HIVEP1: variants seen among roughly 807,000 people sequenced by gnomAD.
HIVEP1 encodes the protein zinc finger protein 40.
Under a neutral mutation model 180.0 loss-of-function variants are expected in HIVEP1, and 36 were observed. That is an observed-to-expected ratio of 0.20 (90% CI 0.15 to 0.26). The LOEUF (loss-of-function observed/expected upper bound fraction) is 0.26, where lower values mean the gene tolerates loss of function less well. Ranked by LOEUF, HIVEP1 falls within the 10% of genes least tolerant of loss-of-function variation. The probability of loss-of-function intolerance (pLI) is 1.00; values close to 1 mark genes in which losing one functional copy is unlikely to be tolerated. For missense variants in HIVEP1, 3,143 were observed against 3,268.7 expected, an observed-to-expected ratio of 0.96 and a Z score of 0.94; for synonymous variants, 1,239 against 1,239.0, an observed-to-expected ratio of 1.00 and a Z score of 0.00.
In HIVEP1 at chr6:12,164,990, A is replaced by G. The variant is rs760936281; in HGVS notation, c.*529A>G. On this transcript the variant is annotated 3_prime_UTR_variant, in exon 9 of 9. Coordinates refer to ENST00000379388, the MANE Select transcript of HIVEP1 (RefSeq NM_002114.4). ...GAAATGTTTCAGTAAAATATTGTTT[A>G]CTGACTTTACCATTGCTTCAGTTGT... 1 of 361,410 alleles carries G rather than the reference A, an allele frequency of 2.8e-6. No homozygotes were observed. Among genetic ancestry groups the G allele is most frequent in the Non-Finnish European group, 5.4e-6 (1 of 186,196 alleles). 22.4% of individuals were successfully genotyped at this position (361,410 alleles called of 1,614,324 possible).
chr6:12,140,426 A>G (rs548274911), intron 7 of HIVEP1, among the ~76,000 whole-genome samples: 13 of 152,382 alleles, frequency 8.5e-5, no homozygotes, highest in South Asian at 4.1e-4. Flanking sequence ...CCAGACCAGA[A>G]CATCTGAAAA....
At chr6:12,107,153 C>A (rs1459865255) in intron 3 of HIVEP1, among the ~76,000 whole-genome samples, 2 of 152,142 alleles carry the variant, frequency 1.3e-5, no homozygotes, top group Non-Finnish European at 2.9e-5. Flanking sequence ...GGGTTTAGTT[C>A]TAGACCACTG....
the HIVEP1 span, among the ~76,000 whole-genome samples, chr6:12,170,918 A>C: frequency 6.6e-6 from 1 of 152,216 alleles, no homozygotes; most frequent in Non-Finnish European, 1.5e-5. Context: ...ACCCAGTGCC[A>C]AGCTGGCCAC....
downstream of HIVEP1, among the ~76,000 whole-genome samples, chr6:12,168,034 T>A (rs557071317): frequency 0.064 from 2,729 of 42,680 alleles, 274 homozygotes; most frequent in East Asian, 0.075. Context: ...ATGTATATAT[T>A]ATATATACAT....
intron 3 of HIVEP1, among the ~76,000 whole-genome samples, chr6:12,099,670 A>G (rs1404540505): frequency 2.0e-5 from 3 of 152,258 alleles, no homozygotes; most frequent in Middle Eastern, 6.8e-3. Context: ...AGTTTTGCCC[A>G]CAGTCATAGC....
At chr6:12,012,628 G>C (rs1273267907) in intron 1 of HIVEP1, 62 bp downstream of exon 1, 2 of 148,940 alleles carry the variant, frequency 1.3e-5, no homozygotes, top group Admixed American at 1.3e-4. Flanking sequence ...GCGGAGGGGG[G>C]GGGGGGCAGG....
At chr6:12,025,079 C>T (rs1417219061) in intron 2 of HIVEP1, among the ~76,000 whole-genome samples, 1 of 152,154 alleles carries the variant, frequency 6.6e-6, no homozygotes, top group East Asian at 1.9e-4. Context: ...TTATGATTCC[C>T]ATTTTATAGA....
intron 3 of HIVEP1, among the ~76,000 whole-genome samples, chr6:12,091,287 C>T (rs752445421): frequency 1.7e-4 from 26 of 151,970 alleles, no homozygotes; most frequent in Non-Finnish European, 1.3e-4. Context: ...ATCTCTTTTT[C>T]ATTGTTTTTC....
At chr6:12,178,767 A>G in the HIVEP1 span, among the ~76,000 whole-genome samples, 1 of 152,194 alleles carries the variant, frequency 6.6e-6, no homozygotes, top group African/African-American at 2.4e-5. Flanking sequence ...CTAGAGGAAC[A>G]CTTGCCAAGG....
At chr6:12,144,912 A>G (rs1040621916) in intron 7 of HIVEP1, among the ~76,000 whole-genome samples, 1 of 152,146 alleles carries the variant, frequency 6.6e-6, no homozygotes, top group African/African-American at 2.4e-5. Context: ...ACGCTTTTAC[A>G]CTATTGGTGG....
In HIVEP1 at chr6:12,106,916, TTC is replaced by T. The variant is rs1393500215; in HGVS notation, c.95-12972_95-12971del. 7.2e-5 allele frequency among the ~76,000 whole-genome samples: 11 copies of T among 152,346 alleles called. 1 individual carries two copies. Among genetic ancestry groups the T allele is most frequent in the African/African-American group, 1.2e-4 (5 of 41,582 alleles). ...GATTTTTCTAATTTCTCTTGTGACT[TTC>T]TGTTTGACCCCTGGGCTGTTCAGAA... On this transcript the variant is annotated intron_variant, in intron 3 of 8. Coordinates refer to ENST00000379388, the MANE Select transcript of HIVEP1 (RefSeq NM_002114.4).
At chr6:12,194,036 G>T in the HIVEP1 span, among the ~76,000 whole-genome samples, 1 of 121,448 alleles carries the variant, frequency 8.2e-6, no homozygotes. Flanking sequence ...TCCTTGAAAT[G>T]GGGCTGGTCT....
intron 2 of HIVEP1, among the ~76,000 whole-genome samples, chr6:12,041,237 T>C (rs2093010880): frequency 1.3e-5 from 2 of 151,866 alleles, no homozygotes; most frequent in South Asian, 2.1e-4. Flanking sequence ...CTGGCTAACA[T>C]GGTGAAACCC....
At chr6:12,047,651 A>C (rs897416199) in intron 2 of HIVEP1, among the ~76,000 whole-genome samples, 1 of 152,180 alleles carries the variant, frequency 6.6e-6, no homozygotes, top group South Asian at 2.1e-4. Flanking sequence ...ATTGCTGTTA[A>C]GAGTTTGGCC....
intron 7 of HIVEP1, among the ~76,000 whole-genome samples, chr6:12,141,989 A>G (rs1287699184): frequency 6.6e-6 from 1 of 152,166 alleles, no homozygotes; most frequent in Non-Finnish European, 1.5e-5. Context: ...ACAGAAGGTT[A>G]ACAAGGATAT....
At chr6:12,036,652 C>T (rs1466890037) in intron 2 of HIVEP1, among the ~76,000 whole-genome samples, 1 of 152,154 alleles carries the variant, frequency 6.6e-6, no homozygotes, top group Non-Finnish European at 1.5e-5. Flanking sequence ...GCCTGTAATC[C>T]CAGTATTTTG....
chr6:12,032,727 TTG>T (rs1769036227), intron 2 of HIVEP1, among the ~76,000 whole-genome samples: 1 of 152,200 alleles, frequency 6.6e-6, no homozygotes, highest in Non-Finnish European at 1.5e-5. Flanking sequence ...CCCAGAAAGT[TTG>T]TGGTTGTGGG....
intron 2 of HIVEP1, among the ~76,000 whole-genome samples, chr6:12,068,230 A>G (rs938038588): frequency 2.0e-5 from 3 of 152,124 alleles, no homozygotes; most frequent in African/African-American, 7.2e-5. Flanking sequence ...AGCTGGGATT[A>G]CAGATGCACA....
chr6:12,180,237 T>C, the HIVEP1 span, among the ~76,000 whole-genome samples: 2 of 152,232 alleles, frequency 1.3e-5, no homozygotes, highest in African/African-American at 4.8e-5. Context: ...CCACTTCTAC[T>C]GTGTATTTAT....
Sources: gnomAD v4.1 joint callset for allele counts (sites outside exome capture counted in the v4.1 genomes callset) on GRCh38, gnomAD v4.1.1 for gene constraint, MANE v1.5 for transcripts, NCBI Gene and HGNC (gene_info 2026-07-23, HGNC 2026-07-21) for gene names.